Variants in ABLIM3 observed in about 807,000 individuals in gnomAD.
The protein encoded by ABLIM3 is actin binding LIM protein family member 3.
ABLIM3 carries 61 observed loss-of-function variants against 109.5 expected under a neutral mutation model. That is an observed-to-expected ratio of 0.56 (90% CI 0.45 to 0.69). ABLIM3 has a LOEUF of 0.69. Among genes scored for constraint, ABLIM3 ranks in the 30% least tolerant of loss-of-function variants. ABLIM3 has a pLI of 0.00. For missense variants in ABLIM3, 796 were observed against 889.5 expected (o/e 0.89, Z 1.34); for synonymous variants, 300 against 324.8 (o/e 0.92, Z 0.82).
At chr5:149,209,320 GA>G (rs1759316814) in intron 6 of ABLIM3, among the ~76,000 whole-genome samples, 1 of 152,228 alleles carries the variant, frequency 6.6e-6, no homozygotes, top group African/African-American at 2.4e-5. Flanking sequence ...GCTGCTGGCA[GA>G]GTGGCAGGGG....
At chr5:149,204,923 G>T (rs13155097) in intron 5 of ABLIM3, among the ~76,000 whole-genome samples, 58,377 of 152,006 alleles carry the variant, frequency 0.38, 11,402 homozygotes, top group East Asian at 0.5. Flanking sequence ...ACTGAAAGTC[G>T]AAGAGATAGG....
chr5:149,230,896 G>A (rs1581190957), intron 9 of ABLIM3, among the ~76,000 whole-genome samples, 189 bp downstream of exon 9: 1 of 152,140 alleles, frequency 6.6e-6, no homozygotes, highest in African/African-American at 2.4e-5. Flanking sequence ...TTAAGACATC[G>A]GATATGAAAG....
At chr5:149,195,883 G>A (rs1381375393) in intron 3 of ABLIM3, among the ~76,000 whole-genome samples, 1 of 152,154 alleles carries the variant, frequency 6.6e-6, no homozygotes, top group African/African-American at 2.4e-5. Context: ...GGGTGGGGTC[G>A]GGGGCCACAA....
intron 2 of ABLIM3, among the ~76,000 whole-genome samples, chr5:149,144,523 T>C (rs1330899352): frequency 1.3e-5 from 2 of 152,230 alleles, no homozygotes; most frequent in East Asian, 1.9e-4. Context: ...TTGTCCCTAA[T>C]AGAAACTCTT....
At chr5:149,171,919 C>A (rs542744458) in intron 2 of ABLIM3, among the ~76,000 whole-genome samples, 63,119 of 151,968 alleles carry the variant, frequency 0.42, 13,638 homozygotes, top group East Asian at 0.67. Flanking sequence ...TTTCTATTGT[C>A]CACTATTCTA....
In ABLIM3 at chr5:149,174,619, G is replaced by GT; in HGVS notation, c.14-8833_14-8832insT. On this transcript the variant is annotated intron_variant, in intron 2 of 23. Transcript: ENST00000309868. ...AGAGATGCTGGAAAGGGCACCGCAG[G>GT]CCTCCAGTGCAAGGCAACCCCATTC... The GT allele has an allele frequency of 2.0e-5, 3 of 152,308 alleles. No homozygotes were observed. In the Middle Eastern group the frequency reaches 0.01, roughly 518 times the overall value. 9.4% of individuals were successfully genotyped at this position (152,308 alleles called of 1,614,324 possible).
chr5:149,202,428 A>G (rs1344384447), intron 5 of ABLIM3, among the ~76,000 whole-genome samples: 1 of 152,214 alleles, frequency 6.6e-6, no homozygotes, highest in Non-Finnish European at 1.5e-5. Context: ...CTGATTGTCT[A>G]TAGTGGTATG....
chr5:149,233,122 G>A (rs1762020368), intron 9 of ABLIM3, 107 bp from the exon 10 acceptor site: 2 of 944,678 alleles, frequency 2.1e-6, no homozygotes, highest in Non-Finnish European at 3.5e-6. Context: ...TAGCCAGAGA[G>A]TACTTTAATG....
intron 3 of ABLIM3, among the ~76,000 whole-genome samples, chr5:149,184,528 T>C (rs892466037): frequency 5.9e-5 from 9 of 152,228 alleles, no homozygotes; most frequent in Non-Finnish European, 1.0e-4. Context: ...TCTTAAATGA[T>C]TCCAACAGTG....
At chr5:149,192,227 C>A (rs1282723652) in intron 3 of ABLIM3, among the ~76,000 whole-genome samples, 4 of 151,364 alleles carry the variant, frequency 2.6e-5, no homozygotes, top group Middle Eastern at 3.4e-3. Flanking sequence ...AAAAAAAAAA[C>A]CTATTATTTT....
At chr5:149,234,251 A>G (rs779413237) in intron 10 of ABLIM3, among the ~76,000 whole-genome samples, 37 of 152,212 alleles carry the variant, frequency 2.4e-4, no homozygotes, top group Non-Finnish European at 4.6e-4. Flanking sequence ...AAATAAGCTA[A>G]AGGAGGTGGG....
chr5:149,153,095 T>G (rs2127436086), intron 2 of ABLIM3, among the ~76,000 whole-genome samples: 1 of 152,254 alleles, frequency 6.6e-6, no homozygotes, highest in Middle Eastern at 3.4e-3. Context: ...GATAAAGATC[T>G]CTTTCCTAAG....
chr5:149,142,047 C>T lies in ABLIM3; in HGVS notation c.-49C>T, dbSNP rs1175848794. 6.2e-7 allele frequency: 1 copy of T among 1,614,024 alleles called. No individual in the cohort carries two copies. Among genetic ancestry groups the T allele is most frequent in the South Asian group, 1.1e-5 (1 of 91,078 alleles). ...TTCGAAGAACGGAAGATTTAAAAAG[C>T]AGCCGGGGCCTCCGTATTGAATGAA... is the stretch of plus-strand genomic sequence containing the variant. On this transcript the variant is annotated 5_prime_UTR_variant, in exon 2 of 24. Transcript: ENST00000309868.
intron 7 of ABLIM3, 81 bp downstream of exon 7, chr5:149,210,900 C>T: frequency 1.5e-6 from 2 of 1,298,976 alleles, no homozygotes; most frequent in South Asian, 2.4e-5. Flanking sequence ...AGGAGAAAGT[C>T]ATCCCATACC....
chr5:149,193,185 G>A (rs1757657441), intron 3 of ABLIM3, among the ~76,000 whole-genome samples: 2 of 152,048 alleles, frequency 1.3e-5, no homozygotes, highest in African/African-American at 2.4e-5. Flanking sequence ...TATTTTCAGT[G>A]CTTTTAGATT....
Position 149,240,767 on chromosome 5 carries a change from C to T in ABLIM3, c.1296C>T (p.His432=), listed in dbSNP as rs769095059. The T allele has an allele frequency of 3.7e-6, 6 of 1,614,090 alleles. No homozygotes were observed. Among genetic ancestry groups the T allele is most frequent in the Non-Finnish European group, 5.1e-6 (6 of 1,179,984 alleles). The change falls in exon 14 of 24, where the codon CAC becomes CAT. Residue 432 remains histidine (H), a synonymous_variant. Transcript: ENST00000309868. The part of the protein sequence containing the change: ...PTSYQAPKHF[H]IPAGDSNIYR... ...CTTACCAGGCTCCCAAGCACTTTCA[C>T]ATCCCAGGTAGGCACTGCCAGCCCA...
intron 5 of ABLIM3, among the ~76,000 whole-genome samples, chr5:149,206,784 G>A (rs1342000229): frequency 1.3e-5 from 2 of 152,032 alleles, no homozygotes; most frequent in Non-Finnish European, 2.9e-5. Flanking sequence ...TGACAAGCAG[G>A]GAGGTCTTTC....
chr5:149,211,171 A>T (rs2963486), intron 7 of ABLIM3, among the ~76,000 whole-genome samples: 42,665 of 149,516 alleles, frequency 0.29, 6,524 homozygotes, highest in East Asian at 0.5. Flanking sequence ...TATTTATTTA[A>T]TTATTTATTT....
chr5:149,148,852 C>T (rs1191461696), intron 2 of ABLIM3, among the ~76,000 whole-genome samples: 1 of 152,118 alleles, frequency 6.6e-6, no homozygotes, highest in East Asian at 1.9e-4. Context: ...AAGCCCTTTC[C>T]CCACTAGCAC....
Sources: allele counts gnomAD v4.1 joint callset (sites outside exome capture counted in the v4.1 genomes callset), GRCh38; gene constraint gnomAD v4.1.1; transcripts MANE v1.5; gene names NCBI Gene and HGNC (gene_info 2026-07-23, HGNC 2026-07-21).